Variants in LYZL1 observed in about 807,000 individuals in gnomAD.
The protein encoded by LYZL1 is lysozyme like 1.
LYZL1 carries 16 observed loss-of-function variants against 17.9 expected under a neutral mutation model. The ratio of observed to expected loss-of-function variants is 0.90; its 90% CI spans 0.61 to 1.36. LYZL1 has a LOEUF of 1.36. LYZL1 is among the 40% of genes most tolerant of loss of function. LYZL1 has a pLI of 0.00. For missense variants in LYZL1, 149 were observed against 188.4 expected (o/e 0.79, Z 1.22); for synonymous variants, 58 against 71.8 (o/e 0.81, Z 0.97).
At chr10:29,310,007 C>G in intron 3 of LYZL1, 103 bp from the exon 4 acceptor site, 1 of 758,440 alleles carries the variant, frequency 1.3e-6, no homozygotes, top group Non-Finnish European at 2.1e-6. Flanking sequence ...TTCTTCCAAC[C>G]CTCTTGATCC....
At chr10:29,296,771 G>A (rs1588658676) in intron 3 of LYZL1, among the ~76,000 whole-genome samples, 1 of 152,242 alleles carries the variant, frequency 6.6e-6, no homozygotes, top group Admixed American at 6.5e-5. Flanking sequence ...CTCTGAGTGG[G>A]ACTCCCCAGT....
chr10:29,296,214 A>G (rs1227008534), intron 3 of LYZL1, among the ~76,000 whole-genome samples: 1 of 152,222 alleles, frequency 6.6e-6, no homozygotes, highest in Non-Finnish European at 1.5e-5. Context: ...CATATACAAG[A>G]TAAATGGAAG....
chr10:29,313,124 A>C (rs939490559), downstream of LYZL1, among the ~76,000 whole-genome samples: 43 of 152,162 alleles, frequency 2.8e-4, no homozygotes, highest in African/African-American at 9.4e-4. Context: ...TAAATAAATA[A>C]ACATGTTATA....
At chr10:29,314,970 C>G (rs1835713133), downstream of LYZL1, among the ~76,000 whole-genome samples, 1 of 152,150 alleles carries the variant, frequency 6.6e-6, no homozygotes, top group Non-Finnish European at 1.5e-5. Flanking sequence ...CACCTGTGTT[C>G]CACACAGCCA....
chr10:29,293,089 T>C (rs149113086), intron 3 of LYZL1, among the ~76,000 whole-genome samples: 1,739 of 151,800 alleles, frequency 0.011, 36 homozygotes, highest in African/African-American at 0.039. Context: ...TCTTTTCTTT[T>C]CCCTTTTTCT....
At chr10:29,295,257 C>T (rs190702335) in intron 3 of LYZL1, among the ~76,000 whole-genome samples, 77 of 152,330 alleles carry the variant, frequency 5.1e-4, no homozygotes, top group African/African-American at 1.8e-3. Flanking sequence ...CCTTCTATAT[C>T]AATCCTAGTT....
At chr10:29,298,206 A>G (rs1835470794) in intron 3 of LYZL1, among the ~76,000 whole-genome samples, 1 of 152,188 alleles carries the variant, frequency 6.6e-6, no homozygotes, top group African/African-American at 2.4e-5. Context: ...AATCACAGGC[A>G]ATTACCACCC....
chr10:29,293,327 C>T (rs1057034622), intron 3 of LYZL1, among the ~76,000 whole-genome samples: 3 of 151,760 alleles, frequency 2.0e-5, no homozygotes, highest in Non-Finnish European at 4.4e-5. Flanking sequence ...TATGGAGTCC[C>T]GTTATGGGGT....
intron 3 of LYZL1, among the ~76,000 whole-genome samples, chr10:29,301,477 A>C (rs10826603): frequency 0.34 from 52,172 of 151,980 alleles, 9,281 homozygotes; most frequent in African/African-American, 0.45. Context: ...AGCTGTGAGT[A>C]ATCATGCTCA....
rs1269557775 is a variant in LYZL1, at chr10:29,289,377, T to C, written c.-26+147T>C. ...TCTAAGGCAGGGGATGGAAACCAAC[T>C]CTATTTGTAAGCTCTGTATCTTTTT... is the stretch of plus-strand genomic sequence containing the variant. On this transcript the variant is annotated intron_variant, in intron 1 of 4. Coordinates refer to ENST00000649382, the MANE Select transcript of LYZL1 (RefSeq NM_032517.6). 5.6e-6 allele frequency: 3 copies of C among 535,608 alleles called. No individual in the cohort carries two copies. The East Asian group carries it at 9.5e-5, about 17-fold the overall frequency. The allele number at this position is 535,608 out of a possible 1,614,324, so 33.2% of individuals were successfully genotyped here. A position where few individuals can be genotyped will look rare whatever the true frequency, so the allele number is the denominator to read the frequency against.
chr10:29,289,198 C>T lies in LYZL1; in HGVS notation c.-58C>T. The T allele has an allele frequency of 1.3e-6, 2 of 1,597,048 alleles. No homozygotes were observed. The highest frequency in any genetic ancestry group is 2.3e-5 in the South Asian group (2 of 88,378). On this transcript the variant is annotated 5_prime_UTR_variant, in exon 1 of 5. Coordinates refer to ENST00000649382, the MANE Select transcript of LYZL1 (RefSeq NM_032517.6). ...CCGCAGACTCAACTGAGAAGTCAGCCTCTGGGGCAGGCACCAGGAATCTGC... is the reference window on the plus strand; with the variant it reads ...CCGCAGACTCAACTGAGAAGTCAGCTTCTGGGGCAGGCACCAGGAATCTGC...
chr10:29,299,705 C>T (rs1835492489), intron 3 of LYZL1, among the ~76,000 whole-genome samples: 1 of 152,146 alleles, frequency 6.6e-6, no homozygotes, highest in Admixed American at 6.5e-5. Flanking sequence ...ATTTCTCATC[C>T]AGAAATCTAC....
At chr10:29,315,848 CA>C (rs537249145), downstream of LYZL1, among the ~76,000 whole-genome samples, 537 of 126,440 alleles carry the variant, frequency 4.2e-3, no homozygotes, top group Admixed American at 4.8e-3. Context: ...AACACTGTCT[CA>C]AAAAAAAAAA....
At chr10:29,310,371 A>G (rs937707280) in intron 4 of LYZL1, among the ~76,000 whole-genome samples, 183 bp downstream of exon 4, 19 of 152,186 alleles carry the variant, frequency 1.2e-4, no homozygotes, top group Admixed American at 2.0e-4. Flanking sequence ...AGTACATAGA[A>G]AGGGAGAGGA....
chr10:29,291,523 T>C (rs957847503), intron 1 of LYZL1, among the ~76,000 whole-genome samples: 1 of 149,946 alleles, frequency 6.7e-6, no homozygotes, highest in Non-Finnish European at 1.5e-5. Flanking sequence ...TATTTTTCAT[T>C]CATAGAATTA....
At chr10:29,299,147 T>A (rs577737790) in intron 3 of LYZL1, among the ~76,000 whole-genome samples, 1 of 152,266 alleles carries the variant, frequency 6.6e-6, no homozygotes, top group East Asian at 1.9e-4. Context: ...CTGCCACTGA[T>A]CCAACAGGAG....
chr10:29,306,528 C>G (rs1391254253), intron 3 of LYZL1, among the ~76,000 whole-genome samples: 1 of 94,744 alleles, frequency 1.1e-5, no homozygotes, highest in South Asian at 4.0e-4. Flanking sequence ...CCAGCCTGGG[C>G]GACAGAGCGA....
At chr10:29,297,858 A>C (rs1316792055) in intron 3 of LYZL1, among the ~76,000 whole-genome samples, 1 of 152,246 alleles carries the variant, frequency 6.6e-6, no homozygotes, top group Non-Finnish European at 1.5e-5. Flanking sequence ...TAAAAGTTCC[A>C]TACAAAAAAT....
intron 3 of LYZL1, among the ~76,000 whole-genome samples, chr10:29,316,574 A>C (rs1266227861): frequency 6.6e-6 from 1 of 152,234 alleles, no homozygotes; most frequent in African/African-American, 2.4e-5. Context: ...GGCTCTGTTC[A>C]TAACAATAAT....
Sources: allele counts gnomAD v4.1 joint callset (sites outside exome capture counted in the v4.1 genomes callset), GRCh38; gene constraint gnomAD v4.1.1; transcripts MANE v1.5; gene names NCBI Gene and HGNC (gene_info 2026-07-23, HGNC 2026-07-21).